The following PHF8 variants were observed in gnomAD, a reference collection of about 807,000 sequenced individuals.
PHF8 encodes PHD finger protein 8.
In PHF8, 9 loss-of-function variants were observed where a neutral mutation model predicts 74.4. The ratio of observed to expected loss-of-function variants is 0.12; its 90% CI spans 0.07 to 0.21. PHF8 has a LOEUF of 0.21. PHF8 is among the 10% of genes least tolerant of loss of function. The pLI is 1.00. For synonymous variants in PHF8, 311 were observed against 316.6 expected, an observed-to-expected ratio of 0.98 and a Z score of 0.19; for missense variants, 478 against 816.6, an observed-to-expected ratio of 0.59 and a Z score of 5.05.
chrX:53,989,707 A>C (rs7879511), intron 14 of PHF8, among the ~76,000 whole-genome samples: 17,556 of 111,479 alleles, frequency 0.16, 1,649 homozygotes, highest in African/African-American at 0.35. Context: ...TAAATCAGTA[A>C]ATTGATACAT....
chrX:53,939,304 G>A, intron 21 of PHF8, 58 bp from the exon 22 acceptor site: 3 of 963,168 alleles, frequency 3.1e-6, no homozygotes, highest in Non-Finnish European at 4.4e-6. Context: ...CATCAAATCT[G>A]GCACCAACTG....
intron 2 of PHF8, among the ~76,000 whole-genome samples, chrX:54,036,571 CAAAAAAAAAAAAA>C (rs1160936317): frequency 1.8e-3 from 11 of 6,191 alleles, no homozygotes; most frequent in Non-Finnish European, 2.5e-3. Flanking sequence ...GACACTGTCT[CAAAAAAAAAAAAA>C]AAAAAAAAAA....
intron 14 of PHF8, among the ~76,000 whole-genome samples, chrX:53,991,837 A>G (rs895855131): frequency 1.8e-5 from 2 of 108,337 alleles, no homozygotes; most frequent in Non-Finnish European, 3.8e-5. Context: ...CCCCATCTCT[A>G]TTTTTTTTTA....
At chrX:53,993,019 G>A (rs1461468447) in intron 13 of PHF8, 180 bp from the exon 14 acceptor site, 1 of 460,475 alleles carries the variant, frequency 2.2e-6, no homozygotes, top group African/African-American at 2.4e-5. Flanking sequence ...AAAATGTGTG[G>A]TTGGTTCAGG....
intron 2 of PHF8, among the ~76,000 whole-genome samples, chrX:54,040,605 C>T (rs1313622045): frequency 1.8e-5 from 2 of 111,390 alleles, no homozygotes; most frequent in African/African-American, 3.3e-5. Context: ...GGAGTTTGCA[C>T]GTACAAAGAC....
chrX:54,014,892 C>T (rs1263465581), intron 6 of PHF8, among the ~76,000 whole-genome samples: 1 of 111,949 alleles, frequency 8.9e-6, no homozygotes, highest in Non-Finnish European at 1.9e-5. Flanking sequence ...TGCACTATCC[C>T]CATCTCATAG....
At chrX:54,001,026 AT>A (rs1456490713) in intron 10 of PHF8, among the ~76,000 whole-genome samples, 4 of 112,736 alleles carry the variant, frequency 3.5e-5, no homozygotes, top group African/African-American at 1.3e-4. Flanking sequence ...TTTATACAAT[AT>A]TTTTGAAATG....
chrX:54,012,297 C>T (rs782810709), intron 7 of PHF8, among the ~76,000 whole-genome samples: 22 of 111,744 alleles, frequency 2.0e-4, no homozygotes, highest in Non-Finnish European at 3.2e-4. Context: ...GGCAGACAGA[C>T]ATTCTTCCCA....
rs141925751 is a variant in PHF8, at chrX:53,965,386, A to G, written c.2444-2447T>C. ...TAACAAAGAAAAAGGCTGCTAAATC[A>G]TGTCTTTAAGAAACTCCAGATGCAG... On this transcript the variant is annotated intron_variant, in intron 18 of 21. Coordinates refer to ENST00000338154, the MANE Select transcript of PHF8 (RefSeq NM_015107.3). Among the ~76,000 whole-genome samples the G allele has an allele frequency of 1.1e-4, 13 of 113,176 alleles. 1 individual carries two copies. The highest frequency in any genetic ancestry group is 3.5e-4 in the South Asian group (1 of 2,817).
At chrX:53,959,732 T>A (rs1557090061) in intron 19 of PHF8, among the ~76,000 whole-genome samples, 1 of 107,765 alleles carries the variant, frequency 9.3e-6, no homozygotes, top group Admixed American at 1.0e-4. Context: ...GGTGCAGTGA[T>A]GCGCGCCTAT....
chrX:53,971,010 C>T (rs1206649902), intron 18 of PHF8, among the ~76,000 whole-genome samples: 1 of 111,687 alleles, frequency 9.0e-6, no homozygotes, highest in Non-Finnish European at 1.9e-5. Flanking sequence ...TAGATATCTA[C>T]AGAACCCTCC....
rs1557099806 is a variant in PHF8 at position 53,987,159 on chromosome X, A to G, written c.1914T>C (p.Phe638=). The change falls in exon 16 of 22, where the codon TTT becomes TTC. Residue 638 remains phenylalanine, a synonymous_variant. Transcript: ENST00000338154. The part of the protein sequence containing the change: ...EKATLIIRPK[F]PRKLPRAKPC... ...GCTTCGCACGGGGCAATTTCCGGGG[A>G]AATTCTAGAAAACAATGGAATGCAC... The G allele has an allele frequency of 2.6e-6, 3 of 1,160,128 alleles. No individual in the cohort carries two copies. The Admixed American group carries it at 6.5e-5, about 25-fold the overall frequency.
At chrX:53,973,524 CA>C (rs2065326783) in intron 18 of PHF8, among the ~76,000 whole-genome samples, 1 of 111,122 alleles carries the variant, frequency 9.0e-6, no homozygotes. Context: ...ACAAACCTGA[CA>C]AAAACAAGCA....
chrX:53,984,962 G>C lies in PHF8; in HGVS notation c.2395C>G (p.Leu799Val). 7 of 1,210,937 alleles carry C rather than the reference G, an allele frequency of 5.8e-6. No homozygotes were observed. Among genetic ancestry groups the C allele is most frequent in the Non-Finnish European group, 7.8e-6 (7 of 895,006 alleles). ...GCTCCCAAGCTGTCCTGTTCATCCA[G>C]ACTGGCGTTCTCCTCCTCCTCCTCG... Reference protein sequence around the residue: ...ESEEEEENASLDEQDSLGACF... With the variant: ...ESEEEEENASVDEQDSLGACF... Residue 799 changes from leucine (L) to valine (V), a missense_variant, in exon 18 of 22, where the codon CTG (leucine) becomes GTG (valine). Around this residue, in one of 9 missense-constraint regions of PHF8, gnomAD observed 35 missense variants for 78.8 expected, o/e 0.44. Transcript: ENST00000338154.
chrX:53,948,250 A>C (rs1456965883), intron 19 of PHF8, among the ~76,000 whole-genome samples: 1 of 112,119 alleles, frequency 8.9e-6, no homozygotes, highest in Non-Finnish European at 1.9e-5. Context: ...GTAAGTATAA[A>C]AAAAAGTAGT....
At chrX:53,959,641 C>T (rs1557090033) in intron 19 of PHF8, among the ~76,000 whole-genome samples, 1 of 109,658 alleles carries the variant, frequency 9.1e-6, no homozygotes, top group Non-Finnish European at 1.9e-5. Context: ...GCAGATGGAT[C>T]ACTTGAGGTC....
chrX:54,034,287 A>G (rs1311520317), intron 2 of PHF8, among the ~76,000 whole-genome samples: 4 of 111,802 alleles, frequency 3.6e-5, no homozygotes, highest in Non-Finnish European at 7.5e-5. Flanking sequence ...AAATCCTGAA[A>G]GCAATGAGAG....
intron 18 of PHF8, among the ~76,000 whole-genome samples, chrX:53,981,526 GTTT>G (rs1314447082): frequency 9.1e-6 from 1 of 110,213 alleles, no homozygotes; most frequent in African/African-American, 3.3e-5. Context: ...TTTTTTGTTT[GTTT>G]GTTTTGCCAA....
At chrX:53,989,458 A>G (rs1432033873) in intron 14 of PHF8, among the ~76,000 whole-genome samples, 1 of 109,167 alleles carries the variant, frequency 9.2e-6, no homozygotes, top group Non-Finnish European at 1.9e-5. Flanking sequence ...ATAGTAGATG[A>G]TATTAACCAA....
Sources: gnomAD v4.1 joint callset for allele counts (sites outside exome capture counted in the v4.1 genomes callset) on GRCh38, gnomAD v4.1.1 for gene constraint, gnomAD v4.1.1 regional missense constraint, MANE v1.5 for transcripts, NCBI Gene and HGNC (gene_info 2026-07-23, HGNC 2026-07-21) for gene names.